SUGP1: variants seen among roughly 807,000 people sequenced by gnomAD.
The protein encoded by SUGP1 is SURP and G-patch domain containing 1.
A neutral mutation model predicts 76.5 loss-of-function variants in SUGP1; 34 were observed. The observed-to-expected ratio is 0.44, with a 90% confidence interval of 0.34 to 0.59. SUGP1 has a LOEUF of 0.59. Ranked by LOEUF, SUGP1 falls within the 20% of genes least tolerant of loss-of-function variation. The probability of loss-of-function intolerance (pLI) is 0.01; values close to 1 mark genes in which losing one functional copy is unlikely to be tolerated. For missense variants in SUGP1, 752 were observed against 851.7 expected (o/e 0.88, Z 1.46); for synonymous variants, 326 against 326.2 (o/e 1.00, Z 0.01).
At chr19:19,284,880 T>G (rs1351186238) in intron 8 of SUGP1, among the ~76,000 whole-genome samples, 4 of 151,840 alleles carry the variant, frequency 2.6e-5, no homozygotes, top group African/African-American at 4.8e-5. Flanking sequence ...GGTTTGTTTT[T>G]TTTTTTTTTT....
chr19:19,294,462 C>T (rs190670947), intron 8 of SUGP1, among the ~76,000 whole-genome samples: 1 of 141,844 alleles, frequency 7.1e-6, no homozygotes, highest in Admixed American at 7.4e-5. Context: ...GAGGTCGAGG[C>T]TGCAGTGAGT....
intron 8 of SUGP1, 131 bp from the exon 9 acceptor site, chr19:19,280,422 T>C (rs1180920263): frequency 1.3e-6 from 1 of 795,870 alleles, no homozygotes; most frequent in African/African-American, 1.7e-5. Flanking sequence ...ATCATTACTG[T>C]CAGTGCCACG....
intron 8 of SUGP1, among the ~76,000 whole-genome samples, chr19:19,295,161 G>A (rs918060282): frequency 6.6e-6 from 1 of 151,908 alleles, no homozygotes; most frequent in African/African-American, 2.4e-5. Context: ...TGGGCCTGGT[G>A]GCTCACTTGA....
At chr19:19,292,701 T>C (rs1252833957) in intron 8 of SUGP1, among the ~76,000 whole-genome samples, 1 of 151,896 alleles carries the variant, frequency 6.6e-6, no homozygotes, top group Non-Finnish European at 1.5e-5. Flanking sequence ...AAAAATACAA[T>C]TGAATATTCC....
chr19:19,292,622 G>A (rs537653186), intron 8 of SUGP1, among the ~76,000 whole-genome samples: 9 of 151,782 alleles, frequency 5.9e-5, no homozygotes, highest in African/African-American at 1.4e-4. Flanking sequence ...CTGAGATCGC[G>A]CTACTGCACT....
intron 8 of SUGP1, among the ~76,000 whole-genome samples, chr19:19,296,270 T>C (rs1320988224): frequency 6.6e-6 from 1 of 152,068 alleles, no homozygotes; most frequent in African/African-American, 2.4e-5. Context: ...AAAGGAGAAT[T>C]ACAGGCCAGA....
chr19:19,307,292 C>T (rs1000111035), intron 3 of SUGP1, among the ~76,000 whole-genome samples: 3 of 151,948 alleles, frequency 2.0e-5, no homozygotes, highest in Admixed American at 6.6e-5. Flanking sequence ...TAGATTCAAG[C>T]GATCCTCCCA....
chr19:19,277,675 G>T, intron 12 of SUGP1, 59 bp downstream of exon 12: 1 of 1,586,072 alleles, frequency 6.3e-7, no homozygotes, highest in South Asian at 1.1e-5. Context: ...ATGGGGAGGC[G>T]GCAGGGGACC....
chr19:19,302,523 T>C (rs2061280128), intron 6 of SUGP1, 135 bp from the exon 7 acceptor site: 1 of 1,268,592 alleles, frequency 7.9e-7, no homozygotes, highest in Non-Finnish European at 1.1e-6. Flanking sequence ...GGAATCAGAT[T>C]ACTACACTGG....
chr19:19,298,586 G>C (rs77762974), intron 7 of SUGP1, among the ~76,000 whole-genome samples: 3,457 of 152,198 alleles, frequency 0.023, 137 homozygotes, highest in African/African-American at 0.079. Flanking sequence ...GCTAACATCC[G>C]GTACCTCAAG....
intron 8 of SUGP1, 89 bp downstream of exon 8, chr19:19,296,900 G>T: frequency 3.5e-6 from 4 of 1,136,242 alleles, no homozygotes; most frequent in Non-Finnish European, 4.9e-6. Context: ...TCTGATACAA[G>T]CTACACTGTG....
At chr19:19,276,820 G>A (rs1016873889) in intron 13 of SUGP1, 127 bp downstream of exon 13, 9 of 1,543,558 alleles carry the variant, frequency 5.8e-6, no homozygotes, top group Non-Finnish European at 7.0e-6. Flanking sequence ...CTTGAATGCA[G>A]GTGGGTGGTA....
At chr19:19,306,102 A>G (rs768948801) in intron 3 of SUGP1, 26 bp from the exon 4 acceptor site, 4 of 1,515,766 alleles carry the variant, frequency 2.6e-6, no homozygotes, top group Non-Finnish European at 2.7e-6. Context: ...GGATATGCGC[A>G]CTCGGGATCT....
intron 5 of SUGP1, 124 bp downstream of exon 5, chr19:19,303,600 G>A (rs1002515219): frequency 1.4e-6 from 2 of 1,399,006 alleles, no homozygotes; most frequent in African/African-American, 2.8e-5. Flanking sequence ...TGTCACTTCT[G>A]GTGAGAATCA....
intron 1 of SUGP1, among the ~76,000 whole-genome samples, chr19:19,318,005 T>C (rs2061406994): frequency 6.6e-6 from 1 of 150,828 alleles, no homozygotes; most frequent in African/African-American, 2.4e-5. Flanking sequence ...CAGTTAGGAT[T>C]TCGCCATGTT....
intron 8 of SUGP1, among the ~76,000 whole-genome samples, chr19:19,296,581 A>G (rs562985101): frequency 6.6e-6 from 1 of 151,920 alleles, no homozygotes; most frequent in South Asian, 2.1e-4. Context: ...CAGGAGGCAG[A>G]GCTTATGGTG....
intron 1 of SUGP1, among the ~76,000 whole-genome samples, chr19:19,318,950 G>A (rs1661924247): frequency 2.6e-5 from 4 of 152,204 alleles, no homozygotes; most frequent in Non-Finnish European, 5.9e-5. Context: ...CGGGCATGGT[G>A]ACTCACACCT....
chr19:19,320,140 G>C (rs1166676874), intron 1 of SUGP1, among the ~76,000 whole-genome samples: 2 of 152,228 alleles, frequency 1.3e-5, no homozygotes, highest in Non-Finnish European at 2.9e-5. Context: ...GAGGGGTGCA[G>C]GGACAGCCCA....
intron 10 of SUGP1, 127 bp from the exon 11 acceptor site, chr19:19,278,923 G>C: frequency 4.1e-6 from 4 of 967,588 alleles, no homozygotes; most frequent in Non-Finnish European, 6.3e-6. Flanking sequence ...GAGGCGGCTA[G>C]GCCATGACCC....
Sources: gnomAD v4.1 joint callset for allele counts (sites outside exome capture counted in the v4.1 genomes callset) on GRCh38, gnomAD v4.1.1 for gene constraint, MANE v1.5 for transcripts, NCBI Gene and HGNC (gene_info 2026-07-23, HGNC 2026-07-21) for gene names.